Variants in THSD7A observed in about 807,000 individuals in gnomAD.
The protein encoded by THSD7A is thrombospondin type-1 domain-containing protein 7A.
In THSD7A, 96 loss-of-function variants were observed where a neutral mutation model predicts 231.3. The ratio of observed to expected loss-of-function variants is 0.41; its 90% CI spans 0.35 to 0.49. THSD7A has a LOEUF of 0.49. Among genes scored for constraint, THSD7A ranks in the 20% least tolerant of loss-of-function variants. The pLI is 0.05. For missense variants in THSD7A, 2,290 were observed against 2,070.2 expected (o/e 1.11, Z -2.06); for synonymous variants, 940 against 743.3 (o/e 1.26, Z -4.30).
rs187621534 is a variant in THSD7A at position 11,652,777 on chromosome 7, G to T, written c.191-15816C>A. On this transcript the variant is annotated intron_variant, in intron 1 of 27. Coordinates refer to ENST00000423059, the MANE Select transcript of THSD7A (RefSeq NM_015204.3). ...ATGTGTCTAAAGAAACTGAATTTAT[G>T]GTTTAGGGTAATAATTTGCATCATT... 2.9e-4 allele frequency among the ~76,000 whole-genome samples: 44 copies of T among 151,918 alleles called. No homozygotes were observed. The East Asian group carries it at 7.6e-3, about 26-fold the overall frequency.
chr7:11,406,466 C>T lies in THSD7A; in HGVS notation c.4071G>A (p.Gln1357=), dbSNP rs368923462. The T allele has an allele frequency of 6.2e-7, 1 of 1,606,916 alleles. No individual in the cohort carries two copies. The highest frequency in any genetic ancestry group is 8.5e-7 in the Non-Finnish European group (1 of 1,177,778). The change falls in exon 22 of 28, where the codon CAG becomes CAA. Residue 1357 remains glutamine (Q), a synonymous_variant. Coordinates refer to ENST00000423059, the MANE Select transcript of THSD7A (RefSeq NM_015204.3). This position sits in a 1 kb window ranked among gnomAD's most constrained non-coding sequence, Gnocchi z 4.7. ...TCCTTGTTCTGGTCCCTTCTCCACA[C>T]TGGGCCTCCTGGAATGGAGGAAGAA... The part of the protein sequence containing the change: ...QWSPCQVQEA[Q]CGEGTRTRNI...
At chr7:11,703,775 A>G (rs1780678724) in intron 1 of THSD7A, among the ~76,000 whole-genome samples, 1 of 151,224 alleles carries the variant, frequency 6.6e-6, no homozygotes, top group Non-Finnish European at 1.5e-5. Context: ...TGGACAATAG[A>G]ACCTATTGAA....
At chr7:11,426,816 C>T in intron 14 of THSD7A, 145 bp from the exon 15 acceptor site, 1 of 773,678 alleles carries the variant, frequency 1.3e-6, no homozygotes, top group South Asian at 2.2e-5. Flanking sequence ...AATATTAGAA[C>T]ATTTTTCTTA....
intron 1 of THSD7A, among the ~76,000 whole-genome samples, chr7:11,827,719 C>A (rs1173581979): frequency 6.6e-6 from 1 of 152,176 alleles, no homozygotes; most frequent in Non-Finnish European, 1.5e-5. Context: ...CAGCCTAACT[C>A]CTTCTCCTAA....
At chr7:11,379,374 G>A (rs1696950697) in intron 25 of THSD7A, 94 bp from the exon 26 acceptor site, 5 of 1,275,018 alleles carry the variant, frequency 3.9e-6, no homozygotes, top group Non-Finnish European at 5.6e-6. Context: ...AACAAGGTTT[G>A]TTTTGGGAAT....
intron 1 of THSD7A, among the ~76,000 whole-genome samples, chr7:11,793,576 T>A (rs1583295925): frequency 6.6e-6 from 1 of 151,848 alleles, no homozygotes; most frequent in South Asian, 2.1e-4. Context: ...TATATTGTTT[T>A]AAAATGAAAA....
chr7:11,555,692 A>G (rs929779278), intron 4 of THSD7A, among the ~76,000 whole-genome samples: 8 of 151,786 alleles, frequency 5.3e-5, no homozygotes, highest in Non-Finnish European at 7.4e-5. Flanking sequence ...TTTGTCAATT[A>G]CAGTTTTGTC....
rs187638761 is a variant in THSD7A at position 11,637,773 on chromosome 7, T to A, written c.191-812A>T. Among the ~76,000 whole-genome samples, 1 of 152,206 alleles carries A rather than the reference T, an allele frequency of 6.6e-6. No individual in the cohort carries two copies. Among genetic ancestry groups the A allele is most frequent in the Admixed American group, 6.5e-5 (1 of 15,286 alleles). ...GATACTTAAATCAGTGGCTTTAATA[T>A]GAAATATGGGTTTTTTTCTGTGAAA... On this transcript the variant is annotated intron_variant, in intron 1 of 27. Coordinates refer to ENST00000423059, the MANE Select transcript of THSD7A (RefSeq NM_015204.3). The surrounding 1 kb of genome is among the most constrained non-coding windows in gnomAD (Gnocchi z 4.2).
intron 1 of THSD7A, among the ~76,000 whole-genome samples, chr7:11,769,135 A>ATTTTTTTTTT (rs1562541189): frequency 1.9e-4 from 7 of 36,606 alleles, no homozygotes; most frequent in Non-Finnish European, 3.1e-4. Flanking sequence ...ATATATATAT[A>ATTTTTTTTTT]TATATATATA....
chr7:11,379,658 C>T lies in THSD7A; in HGVS notation c.4562G>A (p.Cys1521Tyr). Residue 1521 changes from cysteine (C) to tyrosine (Y), a missense_variant, in exon 25 of 28, where the codon TGT (cysteine) becomes TAT (tyrosine). Physicochemically the swap from Cys to Tyr is radical, Grantham distance 194 (BLOSUM62 -2). Transcript: ENST00000423059. Reference protein sequence around the residue: ...PDADRSCNPPCSQPHSYCSET... With the variant: ...PDADRSCNPPYSQPHSYCSET... Reference sequence around the variant, plus strand: ...GCTACAGTACGAGTGGGGTTGACTACACGGTGGGTTACAAGACCTGTCGGC... The same window carrying T: ...GCTACAGTACGAGTGGGGTTGACTATACGGTGGGTTACAAGACCTGTCGGC... The T allele has an allele frequency of 6.3e-7, 1 of 1,591,658 alleles. No homozygotes were observed. Among genetic ancestry groups the T allele is most frequent in the South Asian group, 1.1e-5 (1 of 87,246 alleles).
intron 1 of THSD7A, among the ~76,000 whole-genome samples, chr7:11,698,503 A>G (rs561936164): frequency 1.4e-4 from 21 of 151,526 alleles, no homozygotes; most frequent in Admixed American, 9.2e-4. Flanking sequence ...GACAGATGTG[A>G]CAAAATTGCA....
chr7:11,450,121 T>C (rs1384540723), intron 11 of THSD7A, among the ~76,000 whole-genome samples: 2 of 152,080 alleles, frequency 1.3e-5, no homozygotes, highest in Admixed American at 1.3e-4. Flanking sequence ...GGGTCTTTCT[T>C]ACAAATTTTG....
chr7:11,402,492 G>A lies in THSD7A; in HGVS notation c.4238-524C>T, dbSNP rs556006734. Among the ~76,000 whole-genome samples, 121 of 152,198 alleles carry A rather than the reference G, an allele frequency of 8.0e-4. 2 individuals are homozygous for A. The South Asian group carries it at 0.023, about 29-fold the overall frequency. On this transcript the variant is annotated intron_variant, in intron 22 of 27. Coordinates refer to ENST00000423059, the MANE Select transcript of THSD7A (RefSeq NM_015204.3). ...GAGACAACTGAGCAGTTGCAGTACT[G>A]GAAATAATGCTCACTATTTCCTCTG... is the stretch of plus-strand genomic sequence containing the variant.
At chr7:11,382,400 G>T in intron 24 of THSD7A, 121 bp downstream of exon 24, 1 of 795,916 alleles carries the variant, frequency 1.3e-6, no homozygotes. Flanking sequence ...TAGGCATCCT[G>T]AATCCCAAAC....
chr7:11,715,446 A>G lies in THSD7A; in HGVS notation c.191-78485T>C, dbSNP rs1781103897. On this transcript the variant is annotated intron_variant, in intron 1 of 27. Transcript: ENST00000423059. ...AATGCCTCTCTTTCTAAATGGTTTT[A>G]CTCAACTTAATTAACTGCTAACAAG... 2.6e-5 allele frequency among the ~76,000 whole-genome samples: 4 copies of G among 151,498 alleles called. No homozygotes were observed. The South Asian group carries it at 8.3e-4, about 31-fold the overall frequency.
chr7:11,755,241 C>A (rs989026079), intron 1 of THSD7A, among the ~76,000 whole-genome samples: 2 of 152,024 alleles, frequency 1.3e-5, no homozygotes, highest in African/African-American at 4.8e-5. Flanking sequence ...AATTGAGAAA[C>A]CCTCATTTAG....
rs1175807572 is a variant in THSD7A at position 11,637,991 on chromosome 7, T to C, written c.191-1030A>G. Among the ~76,000 whole-genome samples, 1 of 110,482 alleles carries C rather than the reference T, an allele frequency of 9.1e-6. No homozygotes were observed. The highest frequency in any genetic ancestry group is 1.0e-4 in the Admixed American group (1 of 9,704). The allele number at this position is 110,482 out of a possible 152,430, so 72.5% of individuals were successfully genotyped here. ...GTATTCCATGAATTTGAGAAATTGT[T>C]TGATGTGCCTTAAAGCCATTTTCCA... is the stretch of plus-strand genomic sequence containing the variant. On this transcript the variant is annotated intron_variant, in intron 1 of 27. Transcript: ENST00000423059. The surrounding 1 kb of genome is among the most constrained non-coding windows in gnomAD (Gnocchi z 4.2).
At chr7:11,639,701 G>T (rs1782006825) in intron 1 of THSD7A, among the ~76,000 whole-genome samples, 1 of 151,938 alleles carries the variant, frequency 6.6e-6, no homozygotes, top group African/African-American at 2.4e-5. Context: ...AAATAAAATA[G>T]ATGTGATTTA....
rs754215801 is a variant in THSD7A, at chr7:11,814,067, G to A, written c.190+17690C>T. Reference sequence around the variant, plus strand: ...CACAAAAGATCACGCAAGTTATGATGCCATTCATATGAAAGGTCCAGACTA... The same window carrying A: ...CACAAAAGATCACGCAAGTTATGATACCATTCATATGAAAGGTCCAGACTA... On this transcript the variant is annotated intron_variant, in intron 1 of 27. Transcript: ENST00000423059. The surrounding 1 kb of genome is among the most constrained non-coding windows in gnomAD (Gnocchi z 5.1). Among the ~76,000 whole-genome samples, 4 of 152,146 alleles carry A rather than the reference G, an allele frequency of 2.6e-5. No individual in the cohort carries two copies. The highest frequency in any genetic ancestry group is 4.4e-5 in the Non-Finnish European group (3 of 68,038).
Sources: allele counts gnomAD v4.1 joint callset (sites outside exome capture counted in the v4.1 genomes callset), GRCh38; gene constraint gnomAD v4.1.1; non-coding constraint Gnocchi (gnomAD v3.1); transcripts MANE v1.5; gene names NCBI Gene and HGNC (gene_info 2026-07-23, HGNC 2026-07-21).